The following MYO5A variants were observed in gnomAD, a reference collection of about 807,000 sequenced individuals.
The protein encoded by MYO5A is myosin VA.
MYO5A carries 98 observed loss-of-function variants against 249.7 expected under a neutral mutation model. The observed-to-expected ratio is 0.39, with a 90% CI of 0.33 to 0.46. MYO5A has a LOEUF of 0.46. MYO5A is among the 20% of genes least tolerant of loss of function. The probability of loss-of-function intolerance (pLI) is 0.98; values close to 1 mark genes in which losing one functional copy is unlikely to be tolerated. For synonymous variants in MYO5A, 778 were observed against 810.6 expected (o/e 0.96, Z 0.68); for missense variants, 1,696 against 2,308.8 (o/e 0.73, Z 5.44).
chr15:52,491,935 G>C (rs139162044), intron 1 of MYO5A, among the ~76,000 whole-genome samples: 50 of 152,308 alleles, frequency 3.3e-4, no homozygotes, highest in Non-Finnish European at 5.4e-4. Context: ...AAGAGATAGA[G>C]TACGAACCTA....
At chr15:52,471,400 T>G (rs989311783) in intron 1 of MYO5A, among the ~76,000 whole-genome samples, 1 of 152,058 alleles carries the variant, frequency 6.6e-6, no homozygotes, top group African/African-American at 2.4e-5. Flanking sequence ...GCCCAGGAGT[T>G]TGAGACCAGC....
intron 18 of MYO5A, among the ~76,000 whole-genome samples, chr15:52,377,335 T>C (rs1167936803): frequency 1.3e-5 from 2 of 151,604 alleles, no homozygotes; most frequent in African/African-American, 4.8e-5. Context: ...GGCAGGGGAA[T>C]TGCTTGAACC....
chr15:52,475,259 C>G (rs1486345872), intron 1 of MYO5A, among the ~76,000 whole-genome samples: 1 of 152,060 alleles, frequency 6.6e-6, no homozygotes, highest in Non-Finnish European at 1.5e-5. Flanking sequence ...TTTATTGCAT[C>G]TATTTGATTC....
intron 1 of MYO5A, among the ~76,000 whole-genome samples, chr15:52,448,129 G>A (rs1223720225): frequency 6.6e-6 from 1 of 152,252 alleles, no homozygotes; most frequent in Non-Finnish European, 1.5e-5. Context: ...CCCAGCCCCT[G>A]AGAGCAGCTG....
intron 1 of MYO5A, among the ~76,000 whole-genome samples, chr15:52,447,526 T>C (rs563343891): frequency 6.6e-6 from 1 of 152,198 alleles, no homozygotes; most frequent in African/African-American, 2.4e-5. Context: ...GCTATAAAGA[T>C]ACCTGAAAAT....
At chr15:52,455,642 C>CA (rs1256771305) in intron 1 of MYO5A, among the ~76,000 whole-genome samples, 3 of 152,046 alleles carry the variant, frequency 2.0e-5, no homozygotes, top group Non-Finnish European at 4.4e-5. Flanking sequence ...CCCAGACATG[C>CA]AAGGATGGTT....
At chr15:52,389,984 G>A (rs1047851436) in intron 12 of MYO5A, among the ~76,000 whole-genome samples, 2 of 151,980 alleles carry the variant, frequency 1.3e-5, no homozygotes, top group African/African-American at 4.8e-5. Context: ...AGCCTCCCAA[G>A]TTAAAGTTGA....
chr15:52,364,423 A>G, intron 24 of MYO5A, 131 bp downstream of exon 24: 1 of 781,174 alleles, frequency 1.3e-6, no homozygotes, highest in South Asian at 1.8e-5. Context: ...ATGGGAGGTG[A>G]ATATGTGTTG....
intron 1 of MYO5A, among the ~76,000 whole-genome samples, chr15:52,446,830 G>A (rs537145894): frequency 5.3e-5 from 8 of 152,304 alleles, no homozygotes; most frequent in African/African-American, 1.9e-4. Flanking sequence ...TGCCCTGCTA[G>A]GTTTCAAACT....
chr15:52,496,092 TGA>T (rs1491364829), intron 1 of MYO5A, among the ~76,000 whole-genome samples: 1 of 18,896 alleles, frequency 5.3e-5, no homozygotes, highest in African/African-American at 6.4e-5. Flanking sequence ...AAAAGAGAAA[TGA>T]AAAAAAAAAA....
chr15:52,319,254 A>G lies in MYO5A; in HGVS notation c.5040T>C (p.Asp1680=), dbSNP rs2290332. The G allele has an allele frequency of 0.17, 282,200 of 1,613,882 alleles. 32,274 individuals are homozygous for G. The highest frequency in any genetic ancestry group is 0.58 in the East Asian group (25,857 of 44,860). The change falls in exon 39 of 42, where the codon GAT becomes GAC. Residue 1680 remains aspartate (D), a synonymous_variant. Coordinates refer to ENST00000399233, the MANE Select transcript of MYO5A (RefSeq NM_001382347.1). ...GLRKRTSSIA[D]EGTYTLDSIL... is the part of the protein sequence containing the mutation. ...TGGAGTCCAGTGTGTAGGTGCCCTC[A>G]TCGGCGATACTGGAGGTTCGCTTTC...
rs35470827 is a variant in MYO5A, at chr15:52,455,772, TAA to T, written c.28-22489_28-22488del. 3.2e-3 allele frequency among the ~76,000 whole-genome samples: 466 copies of T among 146,584 alleles called. 3 individuals carry two copies. The highest frequency in any genetic ancestry group is 8.3e-3 in the East Asian group (42 of 5,056). ...AATAAAATTCAACATCCCTTCATGA[TAA>T]AAAAAAAAAAACCTCAACAAAGTGG... is the stretch of plus-strand genomic sequence containing the variant. On this transcript the variant is annotated intron_variant, in intron 1 of 41. Coordinates refer to ENST00000399233, the MANE Select transcript of MYO5A (RefSeq NM_001382347.1).
intron 1 of MYO5A, among the ~76,000 whole-genome samples, chr15:52,452,579 G>A (rs1050849560): frequency 6.6e-5 from 10 of 152,130 alleles, no homozygotes; most frequent in African/African-American, 2.4e-4. Context: ...GTATCATACT[G>A]TAGGAGGTAT....
At chr15:52,366,948 T>C in intron 23 of MYO5A, 83 bp downstream of exon 23, 1 of 1,130,494 alleles carries the variant, frequency 8.8e-7, no homozygotes. Flanking sequence ...CTAAATAATG[T>C]TGTGTAACTC....
rs151145433 is a variant in MYO5A, at chr15:52,476,098, G to A, written c.28-42813C>T. ...CCTGTATTGGGTGCATATATATTTA[G>A]GATAGTTAGCTCTTCTCGTTGAATT... On this transcript the variant is annotated intron_variant, in intron 1 of 41. Transcript: ENST00000399233. Among the ~76,000 whole-genome samples the A allele has an allele frequency of 5.5e-3, 840 of 152,226 alleles. 9 individuals are homozygous for A. The highest frequency in any genetic ancestry group is 0.019 in the African/African-American group (807 of 41,512).
intron 1 of MYO5A, chr15:52,435,544 T>G: frequency 2.4e-6 from 1 of 419,060 alleles, no homozygotes; most frequent in Non-Finnish European, 4.7e-6. Flanking sequence ...CTCAAGGTGC[T>G]GGGATTACAG....
rs1416150107 is a variant in MYO5A at position 52,416,016 on chromosome 15, GA to G, written c.612+128del. 4 of 1,125,620 alleles carry G rather than the reference GA, an allele frequency of 3.6e-6. No individual in the cohort carries two copies. The African/African-American group carries it at 6.3e-5, about 18-fold the overall frequency. The allele number at this position is 1,125,620 out of a possible 1,614,324, so 69.7% of individuals were successfully genotyped here. A position where few individuals can be genotyped will look rare whatever the true frequency, so the allele number is the denominator to read the frequency against. ...TCCCTAGATTTTTTATAAACATGTA[GA>G]AAAGCATTTTCTTAATTTTAGTGGC... On this transcript the variant is annotated intron_variant, in intron 5 of 41. Transcript: ENST00000399233.
chr15:52,380,678 A>G (rs2041691719), intron 16 of MYO5A, among the ~76,000 whole-genome samples: 2 of 152,040 alleles, frequency 1.3e-5, no homozygotes, highest in African/African-American at 4.8e-5. Context: ...GAGGCAGGAG[A>G]ATCGCTTGAA....
chr15:52,378,661 G>A (rs1267973799), intron 18 of MYO5A, among the ~76,000 whole-genome samples: 1 of 150,330 alleles, frequency 6.7e-6, no homozygotes, highest in African/African-American at 2.4e-5. Flanking sequence ...TTAGTTCACA[G>A]CTAGTAATTA....
Sources: gnomAD v4.1 joint callset for allele counts (sites outside exome capture counted in the v4.1 genomes callset) on GRCh38, gnomAD v4.1.1 for gene constraint, MANE v1.5 for transcripts, NCBI Gene and HGNC (gene_info 2026-07-23, HGNC 2026-07-21) for gene names.